Variants in HDAC4 observed in about 807,000 individuals in gnomAD.
HDAC4 encodes histone deacetylase 4.
In HDAC4, 16 loss-of-function variants were observed where a neutral mutation model predicts 135.1. The ratio of observed to expected loss-of-function variants is 0.12; its 90% CI spans 0.08 to 0.18. The LOEUF (loss-of-function observed/expected upper bound fraction) is 0.18. HDAC4 is among the 10% of genes least tolerant of loss of function. The probability of loss-of-function intolerance (pLI) is 1.00; values close to 1 mark genes in which losing one functional copy is unlikely to be tolerated. For missense variants in HDAC4, 1,143 were observed against 1,511.8 expected, an observed-to-expected ratio of 0.76 and a Z score of 4.05; for synonymous variants, 685 against 653.4, an observed-to-expected ratio of 1.05 and a Z score of -0.74.
intron 7 of HDAC4, among the ~76,000 whole-genome samples, chr2:239,152,090 G>T (rs1559519271): frequency 6.6e-6 from 1 of 152,196 alleles, no homozygotes; most frequent in African/African-American, 2.4e-5. Context: ...TCTTTAAGAA[G>T]ATCACGATGA....
At chr2:239,157,687 GACTT>G (rs1469093955) in intron 6 of HDAC4, among the ~76,000 whole-genome samples, 6 of 152,206 alleles carry the variant, frequency 3.9e-5, no homozygotes, top group African/African-American at 9.7e-5. Flanking sequence ...CAAATTTGCC[GACTT>G]ACTTATTTGG....
At chr2:239,102,667 C>T in intron 16 of HDAC4, 109 bp downstream of exon 16, 4 of 1,285,276 alleles carry the variant, frequency 3.1e-6, no homozygotes, top group Non-Finnish European at 4.5e-6. Flanking sequence ...ACCTTATAAC[C>T]TGGCAGGCGA....
chr2:239,360,316 CA>C (rs1369058501), intron 1 of HDAC4, among the ~76,000 whole-genome samples: 1 of 152,180 alleles, frequency 6.6e-6, no homozygotes, highest in African/African-American at 2.4e-5. Context: ...CAGACAGCCG[CA>C]AGGGGACCCG....
intron 5 of HDAC4, among the ~76,000 whole-genome samples, chr2:239,166,789 G>A (rs2043146593): frequency 6.6e-6 from 1 of 152,232 alleles, no homozygotes; most frequent in Admixed American, 6.5e-5. Context: ...GGGCGGTGGG[G>A]AAGATAAGTG....
rs372218483 is a variant in HDAC4, at chr2:239,227,124, C to CG, written c.94+9468dup. Among the ~76,000 whole-genome samples the CG allele has an allele frequency of 5.8e-3, 876 of 152,334 alleles. 10 individuals are homozygous for CG. The highest frequency in any genetic ancestry group is 0.02 in the African/African-American group (839 of 41,582). On this transcript the variant is annotated intron_variant, in intron 3 of 26. Coordinates refer to ENST00000543185, the MANE Select transcript of HDAC4 (RefSeq NM_001378414.1). Reference sequence around the variant, plus strand: ...GGCCAAGGGAGGGGCAGACCAGTCTCGGTCACACAGCCCTCCGGGGCACAG... The same window carrying CG: ...GGCCAAGGGAGGGGCAGACCAGTCTCGGGTCACACAGCCCTCCGGGGCACAG...
chr2:239,169,254 C>T (rs755662828), intron 5 of HDAC4, among the ~76,000 whole-genome samples: 2 of 152,222 alleles, frequency 1.3e-5, no homozygotes, highest in Non-Finnish European at 2.9e-5. Context: ...ATAGGATACA[C>T]CCTGGGCTAC....
chr2:239,330,124 C>G (rs909934250), intron 2 of HDAC4, among the ~76,000 whole-genome samples: 1 of 152,258 alleles, frequency 6.6e-6, no homozygotes, highest in African/African-American at 2.4e-5. Flanking sequence ...CCTGGATCAG[C>G]GGCCACAGAG....
chr2:239,161,353 A>T (rs1198206061), intron 6 of HDAC4, among the ~76,000 whole-genome samples: 1 of 152,048 alleles, frequency 6.6e-6, no homozygotes, highest in Non-Finnish European at 1.5e-5. Context: ...GACCTAAGAA[A>T]TCTTGCCTCC....
chr2:239,360,945 T>C (rs1341339580), intron 1 of HDAC4, among the ~76,000 whole-genome samples: 1 of 152,188 alleles, frequency 6.6e-6, no homozygotes, highest in Non-Finnish European at 1.5e-5. Context: ...GCTTAGAGGC[T>C]GCAGGTAAGG....
chr2:239,373,246 T>C (rs1206003602), intron 1 of HDAC4, among the ~76,000 whole-genome samples: 1 of 152,122 alleles, frequency 6.6e-6, no homozygotes, highest in Admixed American at 6.5e-5. Flanking sequence ...ACATCCTCCC[T>C]TGTAATGGAC....
At chr2:239,273,685 G>A (rs959651092) in intron 2 of HDAC4, among the ~76,000 whole-genome samples, 1 of 152,194 alleles carries the variant, frequency 6.6e-6, no homozygotes, top group Non-Finnish European at 1.5e-5. Context: ...AAGAGAGGGA[G>A]GAGGAACTTG....
At chr2:239,311,195 C>T (rs1358870173) in intron 2 of HDAC4, among the ~76,000 whole-genome samples, 1 of 152,136 alleles carries the variant, frequency 6.6e-6, no homozygotes, top group Non-Finnish European at 1.5e-5. Context: ...CAGGGCAGAG[C>T]CTTGCAGCCT....
chr2:239,124,348 T>C (rs1182564445), intron 12 of HDAC4, among the ~76,000 whole-genome samples: 1 of 152,260 alleles, frequency 6.6e-6, no homozygotes, highest in Non-Finnish European at 1.5e-5. Flanking sequence ...GTCTGTGTCC[T>C]GTCTCTGTGA....
chr2:239,380,127 T>G (rs771178089), intron 1 of HDAC4, among the ~76,000 whole-genome samples: 11 of 152,174 alleles, frequency 7.2e-5, no homozygotes, highest in Non-Finnish European at 1.5e-4. Context: ...AGGGCCCTCA[T>G]GAGGCTCGAT....
chr2:239,172,932 A>T (rs1044098750), intron 5 of HDAC4, among the ~76,000 whole-genome samples: 7 of 152,186 alleles, frequency 4.6e-5, no homozygotes. Flanking sequence ...TATTTCTTTT[A>T]AAAAAATACA....
chr2:239,094,681 T>C, intron 17 of HDAC4: 1 of 1,210,594 alleles, frequency 8.3e-7, no homozygotes, highest in Non-Finnish European at 1.0e-6. Context: ...ACCATACTCG[T>C]GGCCTGATGT....
chr2:239,058,105 C>T (rs2032148233), intron 24 of HDAC4, among the ~76,000 whole-genome samples: 1 of 152,236 alleles, frequency 6.6e-6, no homozygotes, highest in Non-Finnish European at 1.5e-5. Context: ...TGCTCTGTGT[C>T]TACTCTGGCA....
intron 2 of HDAC4, among the ~76,000 whole-genome samples, chr2:239,256,553 C>A (rs2049063832): frequency 6.6e-6 from 1 of 152,212 alleles, no homozygotes; most frequent in Non-Finnish European, 1.5e-5. Flanking sequence ...AAGGTGTTGG[C>A]CATCTAGAAG....
Position 239,297,027 on chromosome 2 carries a change from TAAAAAAAAAAAA to T in HDAC4, c.22+55639_22+55650del, listed in dbSNP as rs71043186. On this transcript the variant is annotated intron_variant, in intron 2 of 26. Coordinates refer to ENST00000543185, the MANE Select transcript of HDAC4 (RefSeq NM_001378414.1). ...ACTCCCATTTCTGTTTGTTTTCATG[TAAAAAAAAAAAA>T]AAAAAAAAAGGAATTAAGTCTTATG... Among the ~76,000 whole-genome samples the T allele has an allele frequency of 7.3e-3, 862 of 118,204 alleles. 2 individuals are homozygous for T. The highest frequency in any genetic ancestry group is 0.012 in the Non-Finnish European group (670 of 56,574). The allele number at this position is 118,204 out of a possible 152,430, so 77.5% of individuals were successfully genotyped here.
Sources: gnomAD v4.1 joint callset for allele counts (sites outside exome capture counted in the v4.1 genomes callset) on GRCh38, gnomAD v4.1.1 for gene constraint, MANE v1.5 for transcripts, NCBI Gene and HGNC (gene_info 2026-07-23, HGNC 2026-07-21) for gene names.